DOCK5: variants seen among roughly 807,000 people sequenced by gnomAD.
DOCK5 encodes dedicator of cytokinesis 5, also known as dedicator of cytokinesis protein 5.
A neutral mutation model predicts 251.8 loss-of-function variants in DOCK5; 142 were observed. The observed-to-expected ratio is 0.56, with a 90% CI of 0.49 to 0.65. DOCK5 has a LOEUF of 0.65. Ranked by LOEUF, DOCK5 falls within the 30% of genes least tolerant of loss-of-function variation. DOCK5 has a pLI of 0.00. For synonymous variants in DOCK5, 842 were observed against 835.5 expected (o/e 1.01, Z -0.13); for missense variants, 2,111 against 2,312.3 (o/e 0.91, Z 1.79).
At chr8:25,331,811 G>T (rs199894774) in intron 18 of DOCK5, among the ~76,000 whole-genome samples, 10,180 of 37,916 alleles carry the variant, frequency 0.27, 358 homozygotes, top group East Asian at 0.39. Flanking sequence ...TAGAGAGAGA[G>T]AGAGAGAGAG....
In DOCK5 at chr8:25,254,806, CAT is replaced by C. The variant is rs1308642083; in HGVS notation, c.127+11050_127+11051del. Among the ~76,000 whole-genome samples the C allele has an allele frequency of 6.5e-5, 4 of 61,258 alleles. No individual in the cohort carries two copies. The East Asian group carries it at 2.2e-3, about 34-fold the overall frequency. The allele number at this position is 61,258 out of a possible 152,430, so 40.2% of individuals were successfully genotyped here. On this transcript the variant is annotated intron_variant, in intron 2 of 51. Coordinates refer to ENST00000276440, the MANE Select transcript of DOCK5 (RefSeq NM_024940.8). ...AACAAAACAAAACAAAAAAAAAAAA[CAT>C]TTGATAAAGGACTATTATCTAAAAC...
chr8:25,245,759 T>G (rs539810451), intron 2 of DOCK5, among the ~76,000 whole-genome samples: 1 of 152,176 alleles, frequency 6.6e-6, no homozygotes, highest in Admixed American at 6.5e-5. Context: ...AGCCTGGTCT[T>G]GAACTCCTGA....
intron 46 of DOCK5, among the ~76,000 whole-genome samples, chr8:25,400,497 CAAA>C (rs4056277): frequency 1.4e-4 from 11 of 76,364 alleles, no homozygotes; most frequent in African/African-American, 4.4e-4. Flanking sequence ...GACTCCATCT[CAAA>C]AAAAAAAAAA....
Position 25,210,401 on chromosome 8 carries a change from C to T in DOCK5, c.43+25450C>T, listed in dbSNP as rs1802107636. Reference sequence around the variant, plus strand: ...CCATAGACAGTGATGGGGTGAGGTGCTGTTGTCGAGTTGGGATGGTCAGAT... The same window carrying T: ...CCATAGACAGTGATGGGGTGAGGTGTTGTTGTCGAGTTGGGATGGTCAGAT... On this transcript the variant is annotated intron_variant, in intron 1 of 51. Transcript: ENST00000276440. 2.9e-5 allele frequency among the ~76,000 whole-genome samples: 2 copies of T among 67,810 alleles called. 1 individual carries two copies. Among genetic ancestry groups the T allele is most frequent in the Non-Finnish European group, 9.5e-5 (2 of 21,158 alleles). The allele number at this position is 67,810 out of a possible 152,430, so 44.5% of individuals were successfully genotyped here.
intron 26 of DOCK5, among the ~76,000 whole-genome samples, chr8:25,346,002 A>G (rs902349789): frequency 6.6e-6 from 1 of 152,084 alleles, no homozygotes; most frequent in African/African-American, 2.4e-5. Flanking sequence ...GGCGCCCGCC[A>G]CCACGCCCGG....
chr8:25,253,301 G>A (rs1472196151), intron 2 of DOCK5, among the ~76,000 whole-genome samples: 3 of 152,214 alleles, frequency 2.0e-5, no homozygotes, highest in African/African-American at 7.2e-5. Flanking sequence ...CAGTCTGAAA[G>A]CAAATATGCT....
chr8:25,219,303 A>G (rs1322403670), intron 1 of DOCK5, among the ~76,000 whole-genome samples: 1 of 152,120 alleles, frequency 6.6e-6, no homozygotes, highest in African/African-American at 2.4e-5. Flanking sequence ...ATGTCCTCCA[A>G]TATATCCCCT....
At chr8:25,399,869 A>T in intron 45 of DOCK5, 42 bp from the exon 46 acceptor site, 1 of 1,475,930 alleles carries the variant, frequency 6.8e-7, no homozygotes, top group Non-Finnish European at 9.4e-7. Flanking sequence ...CTGCACAGAT[A>T]GGAATGTGTT....
At chr8:25,317,815 G>A (rs957109442) in intron 14 of DOCK5, among the ~76,000 whole-genome samples, 22 of 152,134 alleles carry the variant, frequency 1.4e-4, no homozygotes, top group African/African-American at 5.3e-4. Context: ...GTTTCACCAT[G>A]TTAGCCAGGA....
intron 6 of DOCK5, among the ~76,000 whole-genome samples, chr8:25,294,906 C>T (rs1393424098): frequency 3.3e-5 from 5 of 151,958 alleles, no homozygotes; most frequent in Non-Finnish European, 2.9e-5. Flanking sequence ...AACCAGATCT[C>T]GTGAGAACTC....
chr8:25,340,935 C>A lies in DOCK5; in HGVS notation c.2386C>A (p.Leu796Ile), dbSNP rs764537302. 4 of 1,613,584 alleles carry A rather than the reference C, an allele frequency of 2.5e-6. No homozygotes were observed. In the Admixed American group the frequency reaches 6.7e-5, roughly 27 times the overall value. Residue 796 changes from leucine to isoleucine, a missense_variant, in exon 23 of 52, where the codon CTT becomes ATT. Coordinates refer to ENST00000276440, the MANE Select transcript of DOCK5 (RefSeq NM_024940.8). ...EFNNSIRQLF[L>I]AFNMLMDRPL... ...TAATAATTCAATTCGCCAGTTATTTCTTGCTTTCAATATGCTGATGGACAG... is the reference window on the plus strand; with the variant it reads ...TAATAATTCAATTCGCCAGTTATTTATTGCTTTCAATATGCTGATGGACAG...
At chr8:25,261,004 A>G (rs936978746) in intron 2 of DOCK5, among the ~76,000 whole-genome samples, 1 of 151,778 alleles carries the variant, frequency 6.6e-6, no homozygotes. Flanking sequence ...GATTTTGGCT[A>G]TGTTCCCCAG....
At chr8:25,300,750 TGAAAG>T in intron 9 of DOCK5, 93 bp downstream of exon 9, 1 of 1,341,814 alleles carries the variant, frequency 7.5e-7, no homozygotes, top group Non-Finnish European at 1.0e-6. Flanking sequence ...AATGAAAAGA[TGAAAG>T]GAAAAATCAT....
rs1263259286 is a variant in DOCK5, at chr8:25,310,539, A to G, written c.1318+7A>G. 1 of 1,606,684 alleles carries G rather than the reference A, an allele frequency of 6.2e-7. No homozygotes were observed. The stretch of plus-strand genomic sequence containing the variant: ...CCTGAAATCATACTGCCAGGTAAGC[A>G]CTTTGCATGGCTCACCTGTTTGCTT... On this transcript the variant is annotated splice_region_variant and intron_variant, in intron 13 of 51. Coordinates refer to ENST00000276440, the MANE Select transcript of DOCK5 (RefSeq NM_024940.8).
chr8:25,261,031 A>C (rs1803564539), intron 2 of DOCK5, among the ~76,000 whole-genome samples: 1 of 152,026 alleles, frequency 6.6e-6, no homozygotes, highest in Admixed American at 6.6e-5. Flanking sequence ...CTCCCACCTC[A>C]GCCTCCCAAA....
chr8:25,311,891 C>T (rs1365810605), intron 13 of DOCK5, among the ~76,000 whole-genome samples: 2 of 150,638 alleles, frequency 1.3e-5, no homozygotes, highest in Non-Finnish European at 2.9e-5. Flanking sequence ...CACTGCAACC[C>T]AGCCTGGGCA....
rs1341852402 is a variant in DOCK5, at chr8:25,209,675, G to C, written c.43+24724G>C. On this transcript the variant is annotated intron_variant, in intron 1 of 51. Transcript: ENST00000276440. Reference sequence around the variant, plus strand: ...GGACTCAAGGATCCCAGCTTAAGAAGAAGTCTTGCATGAGATGATGTCTGA... The same window carrying C: ...GGACTCAAGGATCCCAGCTTAAGAACAAGTCTTGCATGAGATGATGTCTGA... Among the ~76,000 whole-genome samples the C allele has an allele frequency of 2.9e-5, 2 of 69,580 alleles. 1 individual carries two copies. The highest frequency in any genetic ancestry group is 9.3e-5 in the Non-Finnish European group (2 of 21,470). The allele number at this position is 69,580 out of a possible 152,430, so 45.6% of individuals were successfully genotyped here.
chr8:25,257,082 G>T (rs1179254832), intron 2 of DOCK5, among the ~76,000 whole-genome samples: 11 of 151,954 alleles, frequency 7.2e-5, no homozygotes, highest in Non-Finnish European at 1.5e-4. Flanking sequence ...AGTTGAGAGA[G>T]GTTCTGTTCT....
At position 25,415,072 on chromosome 8, in the gene DOCK5, A is replaced by G. The variant is rs1005931258; in HGVS notation, c.*3774A>G. 5 of 152,178 alleles carry G rather than the reference A, an allele frequency of 3.3e-5. No homozygotes were observed. The highest frequency in any genetic ancestry group is 2.6e-4 in the Admixed American group (4 of 15,278). The allele number at this position is 152,178 out of a possible 1,614,324, so 9.4% of individuals were successfully genotyped here. On this transcript the variant is annotated 3_prime_UTR_variant, in exon 52 of 52. Coordinates refer to ENST00000276440, the MANE Select transcript of DOCK5 (RefSeq NM_024940.8). ...TCCATGGACTATACTTGTCCCATTT[A>G]TCATCCCAGGTGGTGCTTTGACCCT... is the stretch of plus-strand genomic sequence containing the variant.
Sources: allele counts gnomAD v4.1 joint callset (sites outside exome capture counted in the v4.1 genomes callset), GRCh38; gene constraint gnomAD v4.1.1; transcripts MANE v1.5; gene names NCBI Gene and HGNC (gene_info 2026-07-23, HGNC 2026-07-21).